The following TIAM1 variants were observed in gnomAD, a reference collection of about 807,000 sequenced individuals.
The protein encoded by TIAM1 is rho guanine nucleotide exchange factor TIAM1.
In TIAM1, 65 loss-of-function variants were observed where a neutral mutation model predicts 163.5. The ratio of observed to expected loss-of-function variants is 0.40; its 90% CI spans 0.33 to 0.49. The LOEUF is 0.49. Among genes scored for constraint, TIAM1 ranks in the 20% least tolerant of loss-of-function variants. The pLI, the probability that TIAM1 is intolerant of heterozygous loss-of-function variation, is 0.77. For synonymous variants in TIAM1, 833 were observed against 810.1 expected, an observed-to-expected ratio of 1.03 and a Z score of -0.48; for missense variants, 1,789 against 2,044.7, an observed-to-expected ratio of 0.87 and a Z score of 2.41.
At chr21:31,546,504 C>T (rs1391592057) in intron 1 of TIAM1, among the ~76,000 whole-genome samples, 3 of 148,876 alleles carry the variant, frequency 2.0e-5, no homozygotes, top group Non-Finnish European at 4.4e-5. Flanking sequence ...GAGATGAGAT[C>T]GCACCATTGC....
At chr21:31,489,371 A>T (rs8133359) in intron 1 of TIAM1, among the ~76,000 whole-genome samples, 4 of 63,840 alleles carry the variant, frequency 6.3e-5, no homozygotes, top group South Asian at 7.4e-4. Flanking sequence ...TGGGGGGGAG[A>T]GGAGGAGGAG....
intron 2 of TIAM1, among the ~76,000 whole-genome samples, chr21:31,397,170 T>G (rs986556631): frequency 6.6e-6 from 1 of 152,156 alleles, no homozygotes; most frequent in African/African-American, 2.4e-5. Context: ...TGAAAGGGAA[T>G]TAGGATTTTT....
At chr21:31,359,840 GGAAGGAAGGA>G (rs1569263524) in intron 2 of TIAM1, among the ~76,000 whole-genome samples, 12 of 141,606 alleles carry the variant, frequency 8.5e-5, no homozygotes, top group African/African-American at 3.0e-4. Context: ...AAGGAAGGAA[GGAAGGAAGGA>G]AGGAAGGAAG....
intron 1 of TIAM1, among the ~76,000 whole-genome samples, chr21:31,519,029 G>A (rs1248628497): frequency 6.6e-6 from 1 of 152,010 alleles, no homozygotes; most frequent in African/African-American, 2.4e-5. Flanking sequence ...ACCCCGCCTT[G>A]GCCGGGCGCA....
At chr21:31,451,254 T>G (rs1045375008) in intron 2 of TIAM1, among the ~76,000 whole-genome samples, 1 of 152,142 alleles carries the variant, frequency 6.6e-6, no homozygotes, top group Non-Finnish European at 1.5e-5. Context: ...CATCACACTG[T>G]GGCTGCCCAG....
chr21:31,481,960 C>G (rs2046121387), intron 1 of TIAM1, among the ~76,000 whole-genome samples: 1 of 151,930 alleles, frequency 6.6e-6, no homozygotes, highest in African/African-American at 2.4e-5. Context: ...CAGCCCTCAT[C>G]CCGAAGCTAT....
At chr21:31,557,290 G>C (rs2048912680) in intron 1 of TIAM1, among the ~76,000 whole-genome samples, 1 of 152,132 alleles carries the variant, frequency 6.6e-6, no homozygotes, top group Non-Finnish European at 1.5e-5. Flanking sequence ...AATTGGGGCT[G>C]GGGGAGTGAA....
At chr21:31,443,596 T>C (rs1159690836) in intron 2 of TIAM1, among the ~76,000 whole-genome samples, 1 of 152,176 alleles carries the variant, frequency 6.6e-6, no homozygotes, top group Admixed American at 6.5e-5. Flanking sequence ...AATGCCCTCA[T>C]GTAAGAAGTC....
chr21:31,156,968 A>G (rs1449193978), intron 16 of TIAM1, among the ~76,000 whole-genome samples: 1 of 152,246 alleles, frequency 6.6e-6, no homozygotes, highest in East Asian at 1.9e-4. Flanking sequence ...GCTACTGCTC[A>G]TAGCAAATAT....
chr21:31,558,059 AG>A (rs1418811038), intron 1 of TIAM1, among the ~76,000 whole-genome samples: 2 of 151,948 alleles, frequency 1.3e-5, no homozygotes, highest in East Asian at 3.9e-4. Flanking sequence ...CCAGGTTTCG[AG>A]GGGGCAAGCG....
chr21:31,303,564 T>C (rs1207777837), intron 2 of TIAM1, among the ~76,000 whole-genome samples: 1 of 149,208 alleles, frequency 6.7e-6, no homozygotes, highest in Non-Finnish European at 1.5e-5. Context: ...AACTTAAACC[T>C]TCTGGCTTAC....
At chr21:31,131,993 G>A (rs1340682371) in intron 23 of TIAM1, among the ~76,000 whole-genome samples, 1 of 152,132 alleles carries the variant, frequency 6.6e-6, no homozygotes, top group Non-Finnish European at 1.5e-5. Flanking sequence ...GCCACTTTAT[G>A]GTATTTTGTT....
At chr21:31,361,837 TTAGATAGA>T (rs75126984) in intron 2 of TIAM1, among the ~76,000 whole-genome samples, 417 of 147,708 alleles carry the variant, frequency 2.8e-3, no homozygotes, top group African/African-American at 6.9e-3. Flanking sequence ...GGAAGAAAGA[TTAGATAGA>T]TAGATAGATA....
chr21:31,130,597 G>A (rs956378059), intron 24 of TIAM1, among the ~76,000 whole-genome samples: 1 of 152,166 alleles, frequency 6.6e-6, no homozygotes, highest in African/African-American at 2.4e-5. Flanking sequence ...AGGGGCAACA[G>A]AGAAGGGGAA....
intron 1 of TIAM1, among the ~76,000 whole-genome samples, chr21:31,483,674 CAATCTAGCTG>C (rs1379664233): frequency 4.6e-5 from 7 of 152,200 alleles, no homozygotes; most frequent in African/African-American, 9.6e-5. Flanking sequence ...ACACTATCAT[CAATCTAGCTG>C]ATATCGCAAG....
chr21:31,120,774 A>G lies in TIAM1; in HGVS notation c.4370T>C (p.Ile1457Thr). The change falls in exon 28 of 28, where the codon ATT becomes ACT. Residue 1457 changes from isoleucine to threonine, a missense_variant. Physicochemically the swap from Ile to Thr is moderately conservative, Grantham distance 89. Around this residue, in one of 5 missense-constraint regions of TIAM1, gnomAD observed 415 missense variants for 439.2 expected, o/e 0.94. Coordinates refer to ENST00000541036, the MANE Select transcript of TIAM1 (RefSeq NM_001353694.2). This position sits in a 1 kb window ranked among gnomAD's most constrained non-coding sequence, Gnocchi z 4.2. ...GCTTGCGGAGACGGCATCAGAATCA[A>G]TGGTAAACCTGTTTCGAGCCAGCCG... ...RRRLARNRFT[I>T]DSDAVSASSP... 2 of 1,614,042 alleles carry G rather than the reference A, an allele frequency of 1.2e-6. No homozygotes were observed. The highest frequency in any genetic ancestry group is 1.3e-5 in the African/African-American group (1 of 75,014).
chr21:31,429,760 C>G (rs1208500641), intron 2 of TIAM1, among the ~76,000 whole-genome samples: 1 of 152,166 alleles, frequency 6.6e-6, no homozygotes, highest in Admixed American at 6.5e-5. Context: ...CTTCTGTGCA[C>G]CGCTCCCAGT....
chr21:31,389,381 G>T (rs2076931765), intron 2 of TIAM1, among the ~76,000 whole-genome samples: 1 of 152,158 alleles, frequency 6.6e-6, no homozygotes, highest in South Asian at 2.1e-4. Context: ...GCTAATTTTA[G>T]TATTTTTAGT....
intron 6 of TIAM1, among the ~76,000 whole-genome samples, chr21:31,228,608 G>A (rs2088201376): frequency 6.6e-6 from 1 of 152,164 alleles, no homozygotes; most frequent in South Asian, 2.1e-4. Context: ...TATACAGCAA[G>A]AATGAAGGAC....
Sources: allele counts gnomAD v4.1 joint callset (sites outside exome capture counted in the v4.1 genomes callset), GRCh38; gene constraint gnomAD v4.1.1; regional missense constraint gnomAD v4.1.1; non-coding constraint Gnocchi (gnomAD v3.1); transcripts MANE v1.5; gene names NCBI Gene and HGNC (gene_info 2026-07-23, HGNC 2026-07-21).